The following LYPLAL1 variants were observed in gnomAD, a reference collection of about 807,000 sequenced individuals.
LYPLAL1 encodes the protein lysophospholipase like 1, also known as lysophospholipase-like protein 1.
LYPLAL1 carries 23 observed loss-of-function variants against 19.7 expected under a neutral mutation model. That is an observed-to-expected ratio of 1.17 (90% CI 0.84 to 1.65). The LOEUF (loss-of-function observed/expected upper bound fraction) is 1.65, where lower values mean the gene tolerates loss of function less well. LYPLAL1 is among the 40% of genes most tolerant of loss of function. The pLI, the probability that LYPLAL1 is intolerant of heterozygous loss-of-function variation, is 0.00. For synonymous variants in LYPLAL1, 119 were observed against 96.3 expected, an observed-to-expected ratio of 1.24 and a Z score of -1.38; for missense variants, 355 against 279.4, an observed-to-expected ratio of 1.27 and a Z score of -1.93.
At chr1:219,416,440 T>C in the LYPLAL1 span, among the ~76,000 whole-genome samples, 2 of 152,184 alleles carry the variant, frequency 1.3e-5, no homozygotes, top group Non-Finnish European at 2.9e-5. Flanking sequence ...CTTTGCCTAG[T>C]AAAGAATTCA....
chr1:219,396,159 G>GT, the LYPLAL1 span, among the ~76,000 whole-genome samples: 1 of 151,260 alleles, frequency 6.6e-6, no homozygotes, highest in African/African-American at 2.4e-5. Context: ...TGGCTAGTCA[G>GT]TTATCCCAGC....
the LYPLAL1 span, among the ~76,000 whole-genome samples, chr1:219,346,599 T>G: frequency 6.6e-6 from 1 of 151,872 alleles, no homozygotes; most frequent in South Asian, 2.1e-4. Flanking sequence ...AAGATAGGGA[T>G]ACTGGCAGAG....
intron 2 of LYPLAL1, among the ~76,000 whole-genome samples, chr1:219,184,149 A>G (rs905165663): frequency 2.6e-5 from 4 of 151,928 alleles, no homozygotes; most frequent in East Asian, 1.9e-4. Flanking sequence ...TAGAGAAAAT[A>G]GATGCCTTCT....
chr1:219,290,035 T>G, the LYPLAL1 span, among the ~76,000 whole-genome samples: 1 of 152,196 alleles, frequency 6.6e-6, no homozygotes, highest in Non-Finnish European at 1.5e-5. Flanking sequence ...AGCAAAATCC[T>G]GGAGGTTTGG....
At chr1:219,322,259 G>A in the LYPLAL1 span, among the ~76,000 whole-genome samples, 1 of 152,064 alleles carries the variant, frequency 6.6e-6, no homozygotes, top group Non-Finnish European at 1.5e-5. Context: ...ACTCTAAAAC[G>A]CAACCTCTCA....
the LYPLAL1 span, among the ~76,000 whole-genome samples, chr1:219,248,942 T>C: frequency 6.6e-6 from 1 of 152,076 alleles, no homozygotes; most frequent in African/African-American, 2.4e-5. Flanking sequence ...CACAGAAATA[T>C]GTATATGTCT....
At chr1:219,221,101 C>T in the LYPLAL1 span, among the ~76,000 whole-genome samples, 5 of 152,182 alleles carry the variant, frequency 3.3e-5, no homozygotes, top group Non-Finnish European at 5.9e-5. Flanking sequence ...TTGTTGCCTA[C>T]GCATCAAGAG....
the LYPLAL1 span, among the ~76,000 whole-genome samples, chr1:219,261,046 TA>T: frequency 6.6e-6 from 1 of 152,084 alleles, no homozygotes; most frequent in Non-Finnish European, 1.5e-5. Context: ...ATGAAAAAGA[TA>T]ATACTTTATA....
At chr1:219,220,718 C>G in the LYPLAL1 span, among the ~76,000 whole-genome samples, 1 of 152,014 alleles carries the variant, frequency 6.6e-6, no homozygotes, top group Non-Finnish European at 1.5e-5. Context: ...AATTCTAGAT[C>G]CTTGAGAATT....
chr1:219,366,585 A>G, the LYPLAL1 span, among the ~76,000 whole-genome samples: 1 of 152,208 alleles, frequency 6.6e-6, no homozygotes, highest in Admixed American at 6.5e-5. Flanking sequence ...CAGAAAGAAA[A>G]GAATGATGGT....
chr1:219,433,467 A>T, the LYPLAL1 span, among the ~76,000 whole-genome samples: 7 of 152,370 alleles, frequency 4.6e-5, no homozygotes, highest in African/African-American at 1.7e-4. Context: ...ACGTTGGCAT[A>T]TTTAACTACA....
At chr1:219,270,549 T>G in the LYPLAL1 span, among the ~76,000 whole-genome samples, 10 of 152,174 alleles carry the variant, frequency 6.6e-5, no homozygotes, top group Non-Finnish European at 1.5e-5. Flanking sequence ...ATGGGTTCTC[T>G]ACACGGCTGG....
chr1:219,325,781 G>A, the LYPLAL1 span, among the ~76,000 whole-genome samples: 1 of 152,228 alleles, frequency 6.6e-6, no homozygotes, highest in East Asian at 1.9e-4. Flanking sequence ...CTCAGTTTTA[G>A]CAGAGGTGTT....
At chr1:219,409,384 G>A in the LYPLAL1 span, 3 of 151,476 alleles carry the variant, frequency 2.0e-5, no homozygotes, top group Admixed American at 1.3e-4. Flanking sequence ...GGAGGTCAAG[G>A]CTGTAGTGGG....
At chr1:219,183,008 T>A (rs185688468) in intron 2 of LYPLAL1, among the ~76,000 whole-genome samples, 2 of 152,240 alleles carry the variant, frequency 1.3e-5, no homozygotes, top group Admixed American at 1.3e-4. Flanking sequence ...TTTGGTACAC[T>A]ATGCCAAGCA....
At chr1:219,422,973 C>T in the LYPLAL1 span, among the ~76,000 whole-genome samples, 2 of 152,170 alleles carry the variant, frequency 1.3e-5, no homozygotes, top group Non-Finnish European at 2.9e-5. Flanking sequence ...CACATCCCTC[C>T]TTCCCACAAG....
chr1:219,287,659 T>C, the LYPLAL1 span, among the ~76,000 whole-genome samples: 2 of 152,186 alleles, frequency 1.3e-5, no homozygotes, highest in African/African-American at 4.8e-5. Flanking sequence ...GAGGAGCTAC[T>C]TTGGAAGAAA....
At chr1:219,250,808 G>A in the LYPLAL1 span, among the ~76,000 whole-genome samples, 1 of 152,084 alleles carries the variant, frequency 6.6e-6, no homozygotes, top group East Asian at 1.9e-4. Flanking sequence ...ATATTCCTCT[G>A]GATATATACC....
the LYPLAL1 span, among the ~76,000 whole-genome samples, chr1:219,422,309 G>T: frequency 3.9e-5 from 6 of 152,192 alleles, no homozygotes; most frequent in Non-Finnish European, 7.4e-5. Flanking sequence ...ACAGGTTGCA[G>T]GCTGGATTTG....
Sources: allele counts gnomAD v4.1 joint callset (sites outside exome capture counted in the v4.1 genomes callset), GRCh38; gene constraint gnomAD v4.1.1; transcripts MANE v1.5; gene names NCBI Gene and HGNC (gene_info 2026-07-23, HGNC 2026-07-21).